The following AGK variants were observed in gnomAD, a reference collection of about 807,000 sequenced individuals.
AGK encodes acylglycerol kinase, mitochondrial.
In AGK, 52 loss-of-function variants were observed where a neutral mutation model predicts 66.4. That is an observed-to-expected ratio of 0.78 (90% CI 0.63 to 0.99). The LOEUF (loss-of-function observed/expected upper bound fraction) is 0.99, where lower values mean the gene tolerates loss of function less well. AGK is among the 50% of genes least tolerant of loss of function. The pLI is 0.00. For synonymous variants in AGK, 182 were observed against 181.1 expected, an observed-to-expected ratio of 1.00 and a Z score of -0.04; for missense variants, 451 against 506.6, an observed-to-expected ratio of 0.89 and a Z score of 1.05.
chr7:141,609,543 G>T (rs1796534994), intron 5 of AGK, among the ~76,000 whole-genome samples: 2 of 152,208 alleles, frequency 1.3e-5, no homozygotes, highest in African/African-American at 2.4e-5. Flanking sequence ...CCCTCTGTAG[G>T]TGTGCCTCCT....
Position 141,619,888 on chromosome 7 carries a change from G to T in AGK, c.519-1844G>T, listed in dbSNP as rs141441565. Among the ~76,000 whole-genome samples the T allele has an allele frequency of 2.9e-3, 440 of 152,290 alleles. 4 individuals carry two copies. Among genetic ancestry groups the T allele is most frequent in the African/African-American group, 9.8e-3 (409 of 41,564 alleles). On this transcript the variant is annotated intron_variant, in intron 8 of 15. Coordinates refer to ENST00000649286, the MANE Select transcript of AGK (RefSeq NM_018238.4). Reference sequence around the variant, plus strand: ...TATGTCCGTACAAAAACCTGTACATGAATATTTATAGTAGCTTGATTCCTA... The same window carrying T: ...TATGTCCGTACAAAAACCTGTACATTAATATTTATAGTAGCTTGATTCCTA...
chr7:141,554,243 A>G (rs945290348), intron 1 of AGK, among the ~76,000 whole-genome samples: 19 of 151,468 alleles, frequency 1.3e-4, no homozygotes, highest in Non-Finnish European at 2.6e-4. Context: ...GCTACTTGGG[A>G]GGCTGAGGCA....
At chr7:141,617,700 T>TG (rs1440887813) in intron 8 of AGK, among the ~76,000 whole-genome samples, 2 of 152,230 alleles carry the variant, frequency 1.3e-5, no homozygotes, top group Non-Finnish European at 2.9e-5. Context: ...CAATTTTAGC[T>TG]GTCTTCTGCC....
At chr7:141,632,916 G>T (rs1219592353) in intron 9 of AGK, among the ~76,000 whole-genome samples, 3 of 152,310 alleles carry the variant, frequency 2.0e-5, no homozygotes, top group Non-Finnish European at 4.4e-5. Flanking sequence ...CAAAGCAAGT[G>T]ACCTGCTTTT....
intron 13 of AGK, among the ~76,000 whole-genome samples, chr7:141,646,959 G>C (rs1488333098): frequency 6.6e-6 from 1 of 152,178 alleles, no homozygotes; most frequent in Non-Finnish European, 1.5e-5. Flanking sequence ...TCTTTAAGCA[G>C]TGGCTGTGCT....
chr7:141,643,095 T>A (rs572140284), intron 13 of AGK, among the ~76,000 whole-genome samples: 1 of 152,298 alleles, frequency 6.6e-6, no homozygotes, highest in East Asian at 1.9e-4. Flanking sequence ...CCAATATTAA[T>A]AGAGTGATAA....
At chr7:141,553,287 A>G (rs1411710561) in intron 1 of AGK, among the ~76,000 whole-genome samples, 2 of 152,224 alleles carry the variant, frequency 1.3e-5, no homozygotes, top group South Asian at 4.1e-4. Flanking sequence ...TACCATCTCA[A>G]TGGGGATAGG....
chr7:141,572,384 T>C (rs571596933), intron 2 of AGK, among the ~76,000 whole-genome samples: 63 of 152,354 alleles, frequency 4.1e-4, no homozygotes, highest in African/African-American at 1.4e-3. Context: ...GAATAATACA[T>C]GAGCATGGGT....
chr7:141,619,192 T>C (rs867675749), intron 8 of AGK, among the ~76,000 whole-genome samples: 1 of 152,028 alleles, frequency 6.6e-6, no homozygotes, highest in Non-Finnish European at 1.5e-5. Flanking sequence ...AATTGAAAAA[T>C]TGATTCTAAA....
chr7:141,632,242 AAAC>A (rs1305061828), intron 9 of AGK, among the ~76,000 whole-genome samples: 6 of 150,760 alleles, frequency 4.0e-5, no homozygotes, highest in African/African-American at 4.8e-5. Context: ...AAAAAAAAAA[AAAC>A]AAAAAAAACC....
intron 5 of AGK, among the ~76,000 whole-genome samples, chr7:141,606,476 A>G (rs1587120502): frequency 6.6e-6 from 1 of 152,126 alleles, no homozygotes; most frequent in East Asian, 1.9e-4. Flanking sequence ...AAGCCACTTT[A>G]TAAAAAAGTA....
chr7:141,654,673 G>A lies in AGK; in HGVS notation c.*1749G>A, dbSNP rs80310059. ...ACACTCTAGGGGGCAGTGCACCACA[G>A]GAAGATAGATCAATGAGGGAGGATT... On this transcript the variant is annotated 3_prime_UTR_variant, in exon 16 of 16. Coordinates refer to ENST00000649286, the MANE Select transcript of AGK (RefSeq NM_018238.4). 3,732 of 152,386 alleles carry A rather than the reference G, an allele frequency of 0.024. 67 individuals carry two copies. The highest frequency in any genetic ancestry group is 0.044 in the Middle Eastern group (13 of 294). The allele number at this position is 152,386 out of a possible 1,614,324, so 9.4% of individuals were successfully genotyped here. A position where few individuals can be genotyped will look rare whatever the true frequency, so the allele number is the denominator to read the frequency against.
At chr7:141,638,921 G>C (rs766332721) in intron 11 of AGK, among the ~76,000 whole-genome samples, 4 of 152,152 alleles carry the variant, frequency 2.6e-5, no homozygotes, top group African/African-American at 9.7e-5. Context: ...AATGTCATAA[G>C]TGTGTGAGCG....
chr7:141,645,957 T>C (rs1044388846), intron 13 of AGK, among the ~76,000 whole-genome samples: 3 of 151,962 alleles, frequency 2.0e-5, no homozygotes, highest in Non-Finnish European at 4.4e-5. Flanking sequence ...ATATGAGACA[T>C]TGGTATGAGA....
rs376157929 is a variant in AGK at position 141,624,856 on chromosome 7, TA to T, written c.588+3056del. Among the ~76,000 whole-genome samples the T allele has an allele frequency of 2.4e-4, 37 of 152,358 alleles. 1 individual carries two copies. In the East Asian group the frequency reaches 6.4e-3, roughly 26 times the overall value. ...ACTCCAACTTTGAGAGAATTTCTGC[TA>T]TAGGTCACATGCTATCGAACTGCAT... is the stretch of plus-strand genomic sequence containing the variant. On this transcript the variant is annotated intron_variant, in intron 9 of 15. Coordinates refer to ENST00000649286, the MANE Select transcript of AGK (RefSeq NM_018238.4).
At position 141,596,324 on chromosome 7, in the gene AGK, GTAGA is replaced by G. The variant is rs34562688; in HGVS notation, c.142-235_142-232del. 0.012 allele frequency among the ~76,000 whole-genome samples: 1,805 copies of G among 152,278 alleles called. 16 individuals carry two copies. Among genetic ancestry groups the G allele is most frequent in the Non-Finnish European group, 0.02 (1,328 of 68,006 alleles). On this transcript the variant is annotated intron_variant, in intron 3 of 15. Transcript: ENST00000649286. ...AGAAAATAAATGTTATTTGCCTCTA[GTAGA>G]TAAAGCAGGATTTTTTTATTCCAAT...
At chr7:141,583,581 G>A (rs1795930943) in intron 2 of AGK, among the ~76,000 whole-genome samples, 1 of 151,920 alleles carries the variant, frequency 6.6e-6, no homozygotes. Context: ...CCAAAAAATG[G>A]TGGTTGCCAC....
intron 4 of AGK, among the ~76,000 whole-genome samples, chr7:141,599,517 A>T (rs1167267270): frequency 6.6e-6 from 1 of 152,200 alleles, no homozygotes; most frequent in Admixed American, 6.5e-5. Flanking sequence ...TCATATAAAG[A>T]TGTGAATAAA....
At chr7:141,620,703 T>TC (rs1229209175) in intron 8 of AGK, among the ~76,000 whole-genome samples, 3 of 151,508 alleles carry the variant, frequency 2.0e-5, no homozygotes, top group African/African-American at 4.9e-5. Flanking sequence ...TCATAAGGAG[T>TC]CCCCCACAAT....
Sources: gnomAD v4.1 joint callset for allele counts (sites outside exome capture counted in the v4.1 genomes callset) on GRCh38, gnomAD v4.1.1 for gene constraint, MANE v1.5 for transcripts, NCBI Gene and HGNC (gene_info 2026-07-23, HGNC 2026-07-21) for gene names.